Variants in FAT1 observed in about 807,000 individuals in gnomAD.
The protein encoded by FAT1 is protocadherin Fat 1.
A neutral mutation model predicts 329.8 loss-of-function variants in FAT1; 171 were observed. That is an observed-to-expected ratio of 0.52 (90% confidence interval 0.46 to 0.59). The LOEUF is 0.59. Among genes scored for constraint, FAT1 ranks in the 20% least tolerant of loss-of-function variants. The probability of loss-of-function intolerance (pLI) is 0.00; values close to 1 mark genes in which losing one functional copy is unlikely to be tolerated. For synonymous variants in FAT1, 2,233 were observed against 2,228.6 expected, an observed-to-expected ratio of 1.00 and a Z score of -0.06; for missense variants, 5,672 against 5,774.4, an observed-to-expected ratio of 0.98 and a Z score of 0.57.
chr4:186,616,636 G>T (rs923266958), intron 11 of FAT1, among the ~76,000 whole-genome samples: 1 of 152,184 alleles, frequency 6.6e-6, no homozygotes, highest in Non-Finnish European at 1.5e-5. Context: ...CAGAAGAGCA[G>T]ATGCCCCCAA....
In FAT1 at chr4:186,682,070, A is replaced by C. The variant is rs534143173; in HGVS notation, c.3266-18457T>G. Among the ~76,000 whole-genome samples the C allele has an allele frequency of 4.0e-4, 61 of 152,306 alleles. 1 individual carries two copies. In the South Asian group the frequency reaches 7.0e-3, roughly 18 times the overall value. On this transcript the variant is annotated intron_variant, in intron 2 of 26. Transcript: ENST00000441802. ...TTCGTGTTTAGTCACCAAATATATAAAATTATTAGTTGTCATATGGAGGCG... is the reference window on the plus strand; with the variant it reads ...TTCGTGTTTAGTCACCAAATATATACAATTATTAGTTGTCATATGGAGGCG...
chr4:186,620,133 A>G lies in FAT1; in HGVS notation c.6453T>C (p.Leu2151=). The G allele has an allele frequency of 6.2e-7, 1 of 1,613,992 alleles. No homozygotes were observed. Among genetic ancestry groups the G allele is most frequent in the Non-Finnish European group, 8.5e-7 (1 of 1,179,884 alleles). ...CTCCATCTTTTGCAACCACTGTAAC[A>G]AGATATTCTTTATTTAAGGTGTCAA... ...FELDTLNKEY[L]VTVVAKDGGN... The change falls in exon 10 of 27, where the codon CTT becomes CTC. Residue 2151 remains leucine (L), a synonymous_variant. Coordinates refer to ENST00000441802, the MANE Select transcript of FAT1 (RefSeq NM_005245.4).
intron 3 of FAT1, among the ~76,000 whole-genome samples, chr4:186,653,941 A>G (rs551564470): frequency 1.1e-4 from 16 of 152,296 alleles, no homozygotes; most frequent in Non-Finnish European, 1.9e-4. Context: ...AAAGTTTCCC[A>G]TTTTTGGTCT....
In FAT1 at chr4:186,611,737, CAG is replaced by C; in HGVS notation, c.9500_9501del (p.Ser3167CysfsTer2). On this transcript the variant is annotated frameshift_variant, in exon 14 of 27. Transcript: ENST00000441802. LOFTEE classifies it high-confidence loss of function. ...NRKILYSLID[S>X]ADGQFSINEL... ...TCGTTAATGGAGAACTGCCCATCAG[CAG>C]AGTCAATCAGTGAGTATAAAATCTT... 6.3e-7 allele frequency: 1 copy of C among 1,584,502 alleles called. No homozygotes were observed. Among genetic ancestry groups the C allele is most frequent in the South Asian group, 1.1e-5 (1 of 86,980 alleles).
chr4:186,650,711 C>T (rs1010070571), intron 3 of FAT1, among the ~76,000 whole-genome samples: 3 of 151,956 alleles, frequency 2.0e-5, no homozygotes, highest in Non-Finnish European at 2.9e-5. Context: ...AGGCCTAATA[C>T]CAGGAAAAAT....
rs375272951 is a variant in FAT1 at position 186,603,705 on chromosome 4, T to C, written c.10821A>G (p.Ile3607Met). 2.5e-6 allele frequency: 4 copies of C among 1,613,992 alleles called. No homozygotes were observed. Among genetic ancestry groups the C allele is most frequent in the Non-Finnish European group, 3.4e-6 (4 of 1,179,902 alleles). The change falls in exon 19 of 27, where the codon ATA (isoleucine) becomes ATG (methionine). Residue 3607 changes from isoleucine to methionine, a missense_variant. Transcript: ENST00000441802. ...GKLIAHKKLD[I>M]GQYLLNVSVT... ...CGCTGACATTGAGAAGGTATTGCCC[T>C]ATGTCTAGCTTTTTGTGTGCTATCA...
intron 2 of FAT1, among the ~76,000 whole-genome samples, chr4:186,705,985 C>T (rs1744567379): frequency 6.6e-6 from 1 of 152,136 alleles, no homozygotes; most frequent in South Asian, 2.1e-4. Flanking sequence ...CTAGAAGAGC[C>T]AGGATTCCAA....
Position 186,609,902 on chromosome 4 carries a change from C to T in FAT1, c.9967G>A (p.Val3323Ile), listed in dbSNP as rs1163461363. ...PSLSDVATVN[V>I]NVTDINDNTP... Reference sequence around the variant, plus strand: ...TTATCGTTGATATCTGTTACATTAACGTTCACAGTGGCAACGTCGCTCAGT... The same window carrying T: ...TTATCGTTGATATCTGTTACATTAATGTTCACAGTGGCAACGTCGCTCAGT... The change falls in exon 15 of 27, where the codon GTT becomes ATT. Residue 3323 changes from valine (V) to isoleucine (I), a missense_variant. Val to Ile is a conservative substitution (Grantham distance 29, BLOSUM62 3). Transcript: ENST00000441802. 1.1e-5 allele frequency: 18 copies of T among 1,612,788 alleles called. No homozygotes were observed. Among genetic ancestry groups the T allele is most frequent in the Admixed American group, 8.3e-5 (5 of 59,960 alleles).
In FAT1 at chr4:186,707,184, G is replaced by C. The variant is rs374939601; in HGVS notation, c.2644C>G (p.Pro882Ala). 1 of 1,613,734 alleles carries C rather than the reference G, an allele frequency of 6.2e-7. No homozygotes were observed. The highest frequency in any genetic ancestry group is 8.5e-7 in the Non-Finnish European group (1 of 1,179,880). ...TCATGCTGCAGCTCTCGATCCAGAG[G>C]GCGTGCGATGTTAACAACACCCGTC... ...SVTGVVNIAR[P>A]LDRELQHEHS... The change falls in exon 2 of 27, where the codon CCT becomes GCT. Residue 882 changes from proline to alanine, a missense_variant. Physicochemically the swap from Pro to Ala is conservative, Grantham distance 27. Around this residue, in one of 2 missense-constraint regions of FAT1, gnomAD observed 3,966 missense variants for 3,915.2 expected, o/e 1.01. Transcript: ENST00000441802.
intron 1 of FAT1, among the ~76,000 whole-genome samples, chr4:186,722,648 G>A (rs1185016941): frequency 1.3e-5 from 2 of 152,166 alleles, no homozygotes; most frequent in African/African-American, 4.8e-5. Flanking sequence ...TAAGAATAGT[G>A]TGAAAAACAT....
chr4:186,622,297 T>C (rs997798214), intron 9 of FAT1, among the ~76,000 whole-genome samples: 2 of 152,260 alleles, frequency 1.3e-5, no homozygotes, highest in African/African-American at 4.8e-5. Context: ...TTACAGGTTT[T>C]GAAGATTGCA....
chr4:186,665,265 G>A (rs764049340), intron 2 of FAT1, among the ~76,000 whole-genome samples: 4 of 152,098 alleles, frequency 2.6e-5, no homozygotes, highest in Non-Finnish European at 4.4e-5. Context: ...CTGAGGAATC[G>A]CCACACTGTC....
At chr4:186,607,394 G>A (rs554574887) in intron 16 of FAT1, among the ~76,000 whole-genome samples, 1 of 147,232 alleles carries the variant, frequency 6.8e-6, no homozygotes, top group Admixed American at 6.7e-5. Context: ...TGGATAGATA[G>A]GTGGATGGAT....
chr4:186,603,004 C>T lies in FAT1; in HGVS notation c.11381G>A (p.Cys3794Tyr), dbSNP rs1738890910. 4.3e-6 allele frequency: 7 copies of T among 1,613,888 alleles called. No individual in the cohort carries two copies. Among genetic ancestry groups the T allele is most frequent in the African/African-American group, 1.3e-5 (1 of 74,926 alleles). Residue 3794 changes from cysteine (C) to tyrosine (Y), a missense_variant, in exon 20 of 27, where the codon TGT (cysteine) becomes TAT (tyrosine). By Grantham distance (194) the Cys-to-Tyr change is radical. Around this residue, in one of 2 missense-constraint regions of FAT1, gnomAD observed 1,706 missense variants for 1,859.1 expected, o/e 0.92. Coordinates refer to ENST00000441802, the MANE Select transcript of FAT1 (RefSeq NM_005245.4). The part of the protein sequence containing the change: ...EGRCPPVHHG[C>Y]EDDPCPEGSE... Reference sequence around the variant, plus strand: ...TCCCTCAGGGCACGGATCATCTTCACAGCCATGGTGGACAGGTGGGCACCT... The same window carrying T: ...TCCCTCAGGGCACGGATCATCTTCATAGCCATGGTGGACAGGTGGGCACCT...
intron 14 of FAT1, 147 bp downstream of exon 14, chr4:186,611,239 C>T: frequency 1.5e-6 from 1 of 649,464 alleles, no homozygotes; most frequent in Non-Finnish European, 2.5e-6. Context: ...TTCAATCCCA[C>T]TGTAAATAAC....
At chr4:186,663,239 T>G (rs1579409746) in intron 3 of FAT1, 60 bp downstream of exon 3, 1 of 1,274,858 alleles carries the variant, frequency 7.8e-7, no homozygotes, top group African/African-American at 1.5e-5. Flanking sequence ...TAATTCTTAC[T>G]TTTCCCCCTA....
At chr4:186,594,286 C>A (rs1248353842) in intron 26 of FAT1, among the ~76,000 whole-genome samples, 1 of 150,514 alleles carries the variant, frequency 6.6e-6, no homozygotes, top group Non-Finnish European at 1.5e-5. Flanking sequence ...CGGTCTCGAT[C>A]TCCCAACCTT....
chr4:186,690,817 A>T (rs886549455), intron 2 of FAT1, among the ~76,000 whole-genome samples: 4 of 152,222 alleles, frequency 2.6e-5, no homozygotes, highest in Admixed American at 6.5e-5. Context: ...AATTTGCTGT[A>T]AGGGTGGAAT....
intron 9 of FAT1, among the ~76,000 whole-genome samples, chr4:186,627,524 GT>G (rs77562147): frequency 5.3e-5 from 8 of 151,838 alleles, no homozygotes; most frequent in African/African-American, 1.9e-4. Flanking sequence ...AGCTCCAGCT[GT>G]TTTTTTTGCT....
Sources: allele counts gnomAD v4.1 joint callset (sites outside exome capture counted in the v4.1 genomes callset), GRCh38; gene constraint gnomAD v4.1.1; regional missense constraint gnomAD v4.1.1; transcripts MANE v1.5; gene names NCBI Gene and HGNC (gene_info 2026-07-23, HGNC 2026-07-21).